Variants in MRPS28 observed in about 807,000 individuals in gnomAD.
The protein encoded by MRPS28 is mitochondrial ribosomal protein S28.
In MRPS28, 7 loss-of-function variants were observed where a neutral mutation model predicts 10.8. That is an observed-to-expected ratio of 0.65 (90% CI 0.37 to 1.22). MRPS28 has a LOEUF of 1.22. Among genes scored for constraint, MRPS28 ranks in the 50% most tolerant of loss-of-function variants. MRPS28 has a pLI of 0.02. For synonymous variants in MRPS28, 121 were observed against 93.3 expected, an observed-to-expected ratio of 1.30 and a Z score of -1.71; for missense variants, 265 against 232.9, an observed-to-expected ratio of 1.14 and a Z score of -0.90.
chr8:79,997,254 A>T (rs966718678), intron 2 of MRPS28, among the ~76,000 whole-genome samples: 3 of 152,220 alleles, frequency 2.0e-5, no homozygotes, highest in Non-Finnish European at 4.4e-5. Context: ...AGAAAGGTTC[A>T]TGGTAAATTA....
At chr8:79,934,877 TG>T (rs1431248221) in intron 2 of MRPS28, among the ~76,000 whole-genome samples, 1 of 152,186 alleles carries the variant, frequency 6.6e-6, no homozygotes, top group Non-Finnish European at 1.5e-5. Context: ...TTAAAAAAAA[TG>T]GTTCCATTTG....
intron 2 of MRPS28, among the ~76,000 whole-genome samples, chr8:79,932,851 A>G (rs992146407): frequency 7.9e-5 from 12 of 152,226 alleles, no homozygotes; most frequent in African/African-American, 2.9e-4. Flanking sequence ...GGACCATGGT[A>G]GAGTCAAGCT....
chr8:79,985,087 A>C (rs1563534040), intron 2 of MRPS28, among the ~76,000 whole-genome samples: 1 of 152,252 alleles, frequency 6.6e-6, no homozygotes, highest in Non-Finnish European at 1.5e-5. Context: ...CTCAGACCAC[A>C]GTGCAATCAA....
intron 2 of MRPS28, among the ~76,000 whole-genome samples, chr8:79,963,920 C>G (rs1807438540): frequency 6.6e-6 from 1 of 152,062 alleles, no homozygotes; most frequent in Admixed American, 6.6e-5. Context: ...ACCAAGCTTA[C>G]AGGAGTGAAG....
rs865931404 is a variant in MRPS28, at chr8:79,991,108, G to A, written c.395+11891C>T. Among the ~76,000 whole-genome samples, 12 of 152,278 alleles carry A rather than the reference G, an allele frequency of 7.9e-5. 2 individuals carry two copies. The South Asian group carries it at 2.5e-3, about 32-fold the overall frequency. On this transcript the variant is annotated intron_variant, in intron 2 of 2. Transcript: ENST00000276585. Reference sequence around the variant, plus strand: ...AAGGGCAGATTTCAGTGATAATTAAGAGGAAAGCTGATTGAGTGGATGCAG... The same window carrying A: ...AAGGGCAGATTTCAGTGATAATTAAAAGGAAAGCTGATTGAGTGGATGCAG...
intron 2 of MRPS28, chr8:79,958,553 G>A: frequency 3.5e-6 from 2 of 570,500 alleles, no homozygotes; most frequent in Non-Finnish European, 6.1e-6. Context: ...TATTAAGAAA[G>A]AGAGTCACTA....
At chr8:79,964,607 C>CA (rs2035056410) in intron 2 of MRPS28, among the ~76,000 whole-genome samples, 1 of 152,060 alleles carries the variant, frequency 6.6e-6, no homozygotes, top group African/African-American at 2.4e-5. Flanking sequence ...ATAACCCCTC[C>CA]AGTGTCTTGA....
rs151003257 is a variant in MRPS28 at position 79,951,109 on chromosome 8, C to T, written c.396-31961G>A. On this transcript the variant is annotated intron_variant, in intron 2 of 2. Coordinates refer to ENST00000276585, the MANE Select transcript of MRPS28 (RefSeq NM_014018.3). ...TCAGGGCCTCATGCACAGAAGGGCCCAGTGCTTGGGTTTATTAATCTGTGG... is the reference window on the plus strand; with the variant it reads ...TCAGGGCCTCATGCACAGAAGGGCCTAGTGCTTGGGTTTATTAATCTGTGG... 7.6e-3 allele frequency among the ~76,000 whole-genome samples: 1,158 copies of T among 152,246 alleles called. 7 individuals are homozygous for T. The highest frequency in any genetic ancestry group is 0.014 in the Middle Eastern group (4 of 294).
intron 1 of MRPS28, among the ~76,000 whole-genome samples, chr8:80,020,262 T>A (rs1809318607): frequency 1.3e-5 from 2 of 152,164 alleles, no homozygotes; most frequent in Non-Finnish European, 2.9e-5. Context: ...TGTAAATGTT[T>A]CTTACTAGAC....
chr8:79,962,964 C>T (rs1025057050), intron 2 of MRPS28, among the ~76,000 whole-genome samples: 4 of 152,042 alleles, frequency 2.6e-5, no homozygotes, highest in Admixed American at 2.6e-4. Context: ...ACTTGCCATG[C>T]CTGGGGAACA....
chr8:79,972,522 C>G (rs11988809), intron 2 of MRPS28, among the ~76,000 whole-genome samples: 118,853 of 152,156 alleles, frequency 0.78, 46,848 homozygotes, highest in African/African-American at 0.88. Flanking sequence ...GGAATTGCTG[C>G]ATCATATAGT....
At chr8:80,009,762 G>C (rs747211192) in intron 1 of MRPS28, among the ~76,000 whole-genome samples, 22 of 152,204 alleles carry the variant, frequency 1.4e-4, no homozygotes, top group African/African-American at 2.4e-4. Flanking sequence ...AGAATGGGGT[G>C]GGGGGTGGTT....
At chr8:79,999,205 G>GT (rs1808590073) in intron 2 of MRPS28, among the ~76,000 whole-genome samples, 1 of 152,234 alleles carries the variant, frequency 6.6e-6, no homozygotes, top group Admixed American at 6.5e-5. Context: ...AGGCCTGACA[G>GT]TATAACTGCA....
At chr8:80,020,888 C>T (rs1324258486) in intron 1 of MRPS28, among the ~76,000 whole-genome samples, 3 of 151,982 alleles carry the variant, frequency 2.0e-5, no homozygotes, top group African/African-American at 4.8e-5. Context: ...GAAGAAAACA[C>T]TGGAATTTCT....
At chr8:79,955,077 C>A (rs947886262) in intron 2 of MRPS28, among the ~76,000 whole-genome samples, 1 of 152,072 alleles carries the variant, frequency 6.6e-6, no homozygotes, top group African/African-American at 2.4e-5. Flanking sequence ...CCCTTAAGTT[C>A]TTTTTGTCTG....
rs570362061 is a variant in MRPS28, at chr8:79,985,461, C to A, written c.395+17538G>T. Among the ~76,000 whole-genome samples the A allele has an allele frequency of 5.4e-3, 816 of 152,080 alleles. 6 individuals are homozygous for A. The highest frequency in any genetic ancestry group is 0.019 in the African/African-American group (777 of 41,504). ...TGAAGGAAATAGAGACACAAAAAACCCTTCAAAAAATTAATGAATCCAGGA... is the reference window on the plus strand; with the variant it reads ...TGAAGGAAATAGAGACACAAAAAACACTTCAAAAAATTAATGAATCCAGGA... On this transcript the variant is annotated intron_variant, in intron 2 of 2. Coordinates refer to ENST00000276585, the MANE Select transcript of MRPS28 (RefSeq NM_014018.3).
chr8:79,978,649 G>T (rs1807864792), intron 2 of MRPS28, among the ~76,000 whole-genome samples: 1 of 152,130 alleles, frequency 6.6e-6, no homozygotes. Context: ...CAATTGAAAA[G>T]AGAATTTGGA....
At chr8:80,022,211 CTT>C (rs111833815) in intron 1 of MRPS28, among the ~76,000 whole-genome samples, 2 of 145,178 alleles carry the variant, frequency 1.4e-5, no homozygotes, top group Non-Finnish European at 1.5e-5. Context: ...TTGGGACTGG[CTT>C]TTTTTTTTTC....
rs1382007259 is a variant in MRPS28, at chr8:79,919,936, A to G, written c.396-788T>C. On this transcript the variant is annotated intron_variant, in intron 2 of 2. Transcript: ENST00000276585. ...TACGTTAGGTATATCTCCTAATGCT[A>G]TCCCTCCCCCCACCCCATAACAGGC... Among the ~76,000 whole-genome samples, 412 of 51,026 alleles carry G rather than the reference A, an allele frequency of 8.1e-3. 4 individuals are homozygous for G. Among genetic ancestry groups the G allele is most frequent in the African/African-American group, 0.014 (200 of 14,042 alleles). 33.5% of individuals were successfully genotyped at this position (51,026 alleles called of 152,430 possible).
Sources: allele counts gnomAD v4.1 joint callset (sites outside exome capture counted in the v4.1 genomes callset), GRCh38; gene constraint gnomAD v4.1.1; transcripts MANE v1.5; gene names NCBI Gene and HGNC (gene_info 2026-07-23, HGNC 2026-07-21).